STAT1: variants seen among roughly 807,000 people sequenced by gnomAD.
STAT1 encodes signal transducer and activator of transcription 1, also known as signal transducer and activator of transcription 1-alpha/beta.
Under a neutral mutation model 111.7 loss-of-function variants are expected in STAT1, and 24 were observed. The observed-to-expected ratio is 0.21, with a 90% confidence interval of 0.16 to 0.30. The LOEUF (loss-of-function observed/expected upper bound fraction) is 0.30. STAT1 is among the 10% of genes least tolerant of loss of function. STAT1 has a pLI of 1.00. For synonymous variants in STAT1, 332 were observed against 326.5 expected, an observed-to-expected ratio of 1.02 and a Z score of -0.18; for missense variants, 351 against 911.9, an observed-to-expected ratio of 0.38 and a Z score of 7.92.
rs1223311205 is a variant in STAT1 at position 190,989,179 on chromosome 2, C to T, written c.1097+436G>A. Reference sequence around the variant, plus strand: ...CTGGACGTTCAGCCTCGGGTTGGATCAGGGGCCTCTCCTTTGGGGCTGACC... The same window carrying T: ...CTGGACGTTCAGCCTCGGGTTGGATTAGGGGCCTCTCCTTTGGGGCTGACC... On this transcript the variant is annotated intron_variant, in intron 12 of 24. Coordinates refer to ENST00000361099, the MANE Select transcript of STAT1 (RefSeq NM_007315.4). The surrounding 1 kb of genome is among the most constrained non-coding windows in gnomAD (Gnocchi z 5.0). 6.6e-6 allele frequency among the ~76,000 whole-genome samples: 1 copy of T among 152,220 alleles called. No homozygotes were observed. Among genetic ancestry groups the T allele is most frequent in the Non-Finnish European group, 1.5e-5 (1 of 68,032 alleles).
At chr2:190,985,581 C>G (rs1417772286) in intron 15 of STAT1, 38 bp downstream of exon 15, 1 of 1,613,368 alleles carries the variant, frequency 6.2e-7, no homozygotes, top group Non-Finnish European at 8.5e-7. Context: ...ACAGACCTGC[C>G]TGATTTGGGC....
At position 191,006,209 on chromosome 2, in the gene STAT1, TA is replaced by T. The variant is rs1694679051; in HGVS notation, c.372+1353del. Among the ~76,000 whole-genome samples the T allele has an allele frequency of 6.6e-6, 1 of 152,212 alleles. No individual in the cohort carries two copies. Among genetic ancestry groups the T allele is most frequent in the Admixed American group, 6.5e-5 (1 of 15,284 alleles). Reference sequence around the variant, plus strand: ...TACTACTTTTAGGATGGAAGCCCCATATAATCAAAACTGCCGGCTGAAAATC... The same window carrying T: ...TACTACTTTTAGGATGGAAGCCCCATTAATCAAAACTGCCGGCTGAAAATC... On this transcript the variant is annotated intron_variant, in intron 5 of 24. Transcript: ENST00000361099. The surrounding 1 kb of genome is among the most constrained non-coding windows in gnomAD (Gnocchi z 4.6).
In STAT1 at chr2:190,978,169, A is replaced by G. The variant is rs1435827557; in HGVS notation, c.1873+687T>C. ...GAAAGTATAAAAATTACTAAAACAA[A>G]TCAGTTTTTCCTCCTGCCCTTCAAA... On this transcript the variant is annotated intron_variant, in intron 21 of 24. Transcript: ENST00000361099. This position sits in a 1 kb window ranked among gnomAD's most constrained non-coding sequence, Gnocchi z 6.1. Among the ~76,000 whole-genome samples, 1 of 152,180 alleles carries G rather than the reference A, an allele frequency of 6.6e-6. No homozygotes were observed. The highest frequency in any genetic ancestry group is 1.5e-5 in the Non-Finnish European group (1 of 68,022).
chr2:191,007,718 G>C lies in STAT1; in HGVS notation c.274-57C>G. On this transcript the variant is annotated intron_variant, in intron 4 of 24. Transcript: ENST00000361099. This position sits in a 1 kb window ranked among gnomAD's most constrained non-coding sequence, Gnocchi z 4.2. ...TAAAATGCAGAATGTTTACTTTATT[G>C]TGTATTGTAAGTTGATATGAATTTG... The C allele has an allele frequency of 7.9e-7, 1 of 1,272,702 alleles. No homozygotes were observed. Among genetic ancestry groups the C allele is most frequent in the South Asian group, 1.2e-5 (1 of 84,072 alleles). 78.8% of individuals were successfully genotyped at this position (1,272,702 alleles called of 1,614,324 possible). A position where few individuals can be genotyped will look rare whatever the true frequency, so the allele number is the denominator to read the frequency against.
In STAT1 at chr2:190,975,900, A is replaced by AC; in HGVS notation, c.2060-14dup. 1 of 1,603,944 alleles carries AC rather than the reference A, an allele frequency of 6.2e-7. No homozygotes were observed. Among genetic ancestry groups the AC allele is most frequent in the Admixed American group, 1.7e-5 (1 of 60,016 alleles). On this transcript the variant is annotated splice_polypyrimidine_tract_variant and intron_variant, in intron 22 of 24. Coordinates refer to ENST00000361099, the MANE Select transcript of STAT1 (RefSeq NM_007315.4). The surrounding 1 kb of genome is among the most constrained non-coding windows in gnomAD (Gnocchi z 5.9). ...ATTGGCTCTGGTGCTAGAAATAAAC[A>AC]CATTGTGTACGCTTTCCATCAACCG...
At chr2:190,988,149 A>G (rs1432405708) in intron 12 of STAT1, among the ~76,000 whole-genome samples, 2 of 152,216 alleles carry the variant, frequency 1.3e-5, no homozygotes, top group Non-Finnish European at 2.9e-5. Flanking sequence ...TAGATGTTCC[A>G]AGGCTAGCAC....
rs1006240369 is a variant in STAT1, at chr2:190,996,390, A to G, written c.786-1171T>C. On this transcript the variant is annotated intron_variant, in intron 9 of 24. Coordinates refer to ENST00000361099, the MANE Select transcript of STAT1 (RefSeq NM_007315.4). The surrounding 1 kb of genome is among the most constrained non-coding windows in gnomAD (Gnocchi z 4.5). Reference sequence around the variant, plus strand: ...GACAGCAGCCCTTCGTCAGGAAAGGAGAAGGCAGGATAACGGCTGGCTGAG... The same window carrying G: ...GACAGCAGCCCTTCGTCAGGAAAGGGGAAGGCAGGATAACGGCTGGCTGAG... Among the ~76,000 whole-genome samples, 1 of 152,234 alleles carries G rather than the reference A, an allele frequency of 6.6e-6. No individual in the cohort carries two copies. Among genetic ancestry groups the G allele is most frequent in the Admixed American group, 6.5e-5 (1 of 15,290 alleles).
At position 190,999,598 on chromosome 2, in the gene STAT1, G is replaced by A. The variant is rs746687132; in HGVS notation, c.541+28C>T. 2.1e-5 allele frequency: 32 copies of A among 1,556,232 alleles called. No individual in the cohort carries two copies. Among genetic ancestry groups the A allele is most frequent in the Admixed American group, 1.7e-5 (1 of 59,852 alleles). ...GTGAACAGAAAAAATTGCAGCCAAC[G>A]GGCACCACTTCAGTTGTGAACCCTT... On this transcript the variant is annotated intron_variant, in intron 7 of 24. Coordinates refer to ENST00000361099, the MANE Select transcript of STAT1 (RefSeq NM_007315.4). This position sits in a 1 kb window ranked among gnomAD's most constrained non-coding sequence, Gnocchi z 4.1.
rs1274721055 is a variant in STAT1, at chr2:190,998,437, G to A, written c.542-129C>T. 4 of 749,734 alleles carry A rather than the reference G, an allele frequency of 5.3e-6. No individual in the cohort carries two copies. Among genetic ancestry groups the A allele is most frequent in the African/African-American group, 3.5e-5 (2 of 57,088 alleles). The allele number at this position is 749,734 out of a possible 1,614,324, so 46.4% of individuals were successfully genotyped here. A position where few individuals can be genotyped will look rare whatever the true frequency, so the allele number is the denominator to read the frequency against. On this transcript the variant is annotated intron_variant, in intron 7 of 24. Coordinates refer to ENST00000361099, the MANE Select transcript of STAT1 (RefSeq NM_007315.4). The surrounding 1 kb of genome is among the most constrained non-coding windows in gnomAD (Gnocchi z 4.1). Reference sequence around the variant, plus strand: ...GACAGGTCAAAGTTTGGCTTTCTTCGATCTTTAATGAACATGAAAAAAAGT... The same window carrying A: ...GACAGGTCAAAGTTTGGCTTTCTTCAATCTTTAATGAACATGAAAAAAAGT...
intron 24 of STAT1, among the ~76,000 whole-genome samples, chr2:190,972,477 C>A (rs768738036): frequency 6.0e-4 from 91 of 152,200 alleles, no homozygotes; most frequent in Admixed American, 1.2e-3. Flanking sequence ...GCTCCTGAGG[C>A]TGCACCAGGC....
At position 190,977,119 on chromosome 2, in the gene STAT1, G is replaced by C; in HGVS notation, c.1874-94C>G. On this transcript the variant is annotated intron_variant, in intron 21 of 24. Coordinates refer to ENST00000361099, the MANE Select transcript of STAT1 (RefSeq NM_007315.4). This position sits in a 1 kb window ranked among gnomAD's most constrained non-coding sequence, Gnocchi z 4.7. ...CACTGCAGAGTTGATGGATTTGAGT[G>C]AACCTCATAAGAACTAATCACAATC... 1 of 1,245,102 alleles carries C rather than the reference G, an allele frequency of 8.0e-7. No homozygotes were observed. The highest frequency in any genetic ancestry group is 1.5e-5 in the African/African-American group (1 of 67,316). 77.1% of individuals were successfully genotyped at this position (1,245,102 alleles called of 1,614,324 possible).
In STAT1 at chr2:191,006,910, C is replaced by T. The variant is rs559292146; in HGVS notation, c.372+653G>A. Among the ~76,000 whole-genome samples the T allele has an allele frequency of 2.6e-5, 4 of 152,188 alleles. No homozygotes were observed. Among genetic ancestry groups the T allele is most frequent in the Non-Finnish European group, 4.4e-5 (3 of 68,022 alleles). On this transcript the variant is annotated intron_variant, in intron 5 of 24. Coordinates refer to ENST00000361099, the MANE Select transcript of STAT1 (RefSeq NM_007315.4). The surrounding 1 kb of genome is among the most constrained non-coding windows in gnomAD (Gnocchi z 4.6). ...AAGCCCTTGATTTTCCCATCAGCCT[C>T]CTTTTCTCTCCACAAACCTATTGAG...
chr2:190,980,685 CCAGATTTTT>C lies in STAT1; in HGVS notation c.1583-25_1583-17del. 1 of 1,613,972 alleles carries C rather than the reference CCAGATTTTT, an allele frequency of 6.2e-7. No individual in the cohort carries two copies. Among genetic ancestry groups the C allele is most frequent in the Non-Finnish European group, 8.5e-7 (1 of 1,179,856 alleles). The stretch of plus-strand genomic sequence containing the variant: ...GCGTTAGGACCTAAACAAATAAAAA[CCAGATTTTT>C]CAGCAAACAGAAACTGATTCTAAAG... On this transcript the variant is annotated splice_polypyrimidine_tract_variant and intron_variant, in intron 18 of 24. Coordinates refer to ENST00000361099, the MANE Select transcript of STAT1 (RefSeq NM_007315.4). This position sits in a 1 kb window ranked among gnomAD's most constrained non-coding sequence, Gnocchi z 6.1.
In STAT1 at chr2:190,995,203, C is replaced by T; in HGVS notation, c.802G>A (p.Glu268Lys). 6.2e-7 allele frequency: 1 copy of T among 1,613,956 alleles called. No individual in the cohort carries two copies. Among genetic ancestry groups the T allele is most frequent in the Non-Finnish European group, 8.5e-7 (1 of 1,179,976 alleles). The change falls in exon 10 of 25, where the codon GAG (glutamate) becomes AAG (lysine). Residue 268 changes from glutamate to lysine, a missense_variant. Around this residue, in one of 7 missense-constraint regions of STAT1, gnomAD observed 67 missense variants for 158.9 expected, o/e 0.42. Transcript: ENST00000361099. This position sits in a 1 kb window ranked among gnomAD's most constrained non-coding sequence, Gnocchi z 4.2. ...QLQNWFTIVA[E>K]SLQQVRQQLK... is the part of the protein sequence containing the mutation. ...TGCTGCCGAACTTGCTGCAGACTCT[C>T]CGCAACTATAGTGAACCTGGGAAGA...
chr2:191,006,059 CT>C lies in STAT1; in HGVS notation c.372+1503del, dbSNP rs1305608002. Reference sequence around the variant, plus strand: ...ACCTACTCTGCTGCCAATGCCATCTCTGGGCCAAGGGGCCAAATGTGAGGAT... The same window carrying C: ...ACCTACTCTGCTGCCAATGCCATCTCGGGCCAAGGGGCCAAATGTGAGGAT... On this transcript the variant is annotated intron_variant, in intron 5 of 24. Transcript: ENST00000361099. The surrounding 1 kb of genome is among the most constrained non-coding windows in gnomAD (Gnocchi z 4.6). Among the ~76,000 whole-genome samples, 3 of 152,252 alleles carry C rather than the reference CT, an allele frequency of 2.0e-5. No homozygotes were observed. Among genetic ancestry groups the C allele is most frequent in the Admixed American group, 2.0e-4 (3 of 15,292 alleles).
Position 190,993,220 on chromosome 2 carries a change from G to T in STAT1, c.944+1841C>A. ...TGTTCCCTACCAACAATTTGTTGAC[G>T]TTTTCACTGGGATAATGATCTATTT... On this transcript the variant is annotated intron_variant, in intron 10 of 24. Transcript: ENST00000361099. The surrounding 1 kb of genome is among the most constrained non-coding windows in gnomAD (Gnocchi z 4.1). 1 of 565,890 alleles carries T rather than the reference G, an allele frequency of 1.8e-6. No individual in the cohort carries two copies. The allele number at this position is 565,890 out of a possible 1,614,324, so 35.1% of individuals were successfully genotyped here. A position where few individuals can be genotyped will look rare whatever the true frequency, so the allele number is the denominator to read the frequency against.
Position 190,995,299 on chromosome 2 carries a change from A to G in STAT1, c.786-80T>C. 7.2e-7 allele frequency: 1 copy of G among 1,380,464 alleles called. No homozygotes were observed. Among genetic ancestry groups the G allele is most frequent in the South Asian group, 1.2e-5 (1 of 86,378 alleles). 85.5% of individuals were successfully genotyped at this position (1,380,464 alleles called of 1,614,324 possible). A position where few individuals can be genotyped will look rare whatever the true frequency, so the allele number is the denominator to read the frequency against. ...GGATTAAAGGGAATCATGGTATATT[A>G]GTCCATTCTCATGCTGCTAATAAAG... On this transcript the variant is annotated intron_variant, in intron 9 of 24. Transcript: ENST00000361099. This position sits in a 1 kb window ranked among gnomAD's most constrained non-coding sequence, Gnocchi z 4.2.
At chr2:190,985,761 G>A in intron 14 of STAT1, 101 bp from the exon 15 acceptor site, 1 of 1,264,782 alleles carries the variant, frequency 7.9e-7, no homozygotes, top group Admixed American at 1.8e-5. Context: ...AAGAATGACA[G>A]ACGTGACTTT....
In STAT1 at chr2:190,982,125, AC is replaced by A. The variant is rs1223303168; in HGVS notation, c.1582+257del. Among the ~76,000 whole-genome samples the A allele has an allele frequency of 6.6e-6, 1 of 152,190 alleles. No homozygotes were observed. Among genetic ancestry groups the A allele is most frequent in the East Asian group, 1.9e-4 (1 of 5,198 alleles). On this transcript the variant is annotated intron_variant, in intron 18 of 24. Transcript: ENST00000361099. This position sits in a 1 kb window ranked among gnomAD's most constrained non-coding sequence, Gnocchi z 7.3. ...TAATATATTTTACATAATTCATAAA[AC>A]TTTCCCTTGGGAATTCATCTCAGAA...
Sources: gnomAD v4.1 joint callset for allele counts (sites outside exome capture counted in the v4.1 genomes callset) on GRCh38, gnomAD v4.1.1 for gene constraint, gnomAD v4.1.1 regional missense constraint, Gnocchi (gnomAD v3.1) non-coding constraint, MANE v1.5 for transcripts, NCBI Gene and HGNC (gene_info 2026-07-23, HGNC 2026-07-21) for gene names.